Variants in COL6A5 observed in about 807,000 individuals in gnomAD.
The protein encoded by COL6A5 is collagen alpha-5(VI) chain.
In COL6A5, 48 loss-of-function variants were observed where a neutral mutation model predicts 65.6. The observed-to-expected ratio is 0.73, with a 90% CI of 0.58 to 0.93. The LOEUF is 0.93. COL6A5 is among the 40% of genes least tolerant of loss of function. The probability of loss-of-function intolerance (pLI) is 0.00; values close to 1 mark genes in which losing one functional copy is unlikely to be tolerated. For missense variants in COL6A5, 914 were observed against 928.3 expected (o/e 0.98, Z 0.20); for synonymous variants, 291 against 322.8 (o/e 0.90, Z 1.05).
At chr3:130,356,950 C>T (rs1315360020) in intron 1 of COL6A5, among the ~76,000 whole-genome samples, 3 of 152,032 alleles carry the variant, frequency 2.0e-5, no homozygotes, top group Non-Finnish European at 4.4e-5. Flanking sequence ...TAAAGCAAAA[C>T]AAACCTATGT....
intron 27 of COL6A5, 115 bp from the exon 28 acceptor site, chr3:130,422,605 T>C: frequency 1.5e-6 from 1 of 654,670 alleles, no homozygotes; most frequent in Non-Finnish European, 2.7e-6. Context: ...TGTATTGGCC[T>C]TCATTAATGT....
chr3:130,395,125 C>T (rs980202104), exon 8 of COL6A5: 1 of 1,551,636 alleles, frequency 6.4e-7, no homozygotes, highest in South Asian at 1.2e-5. Flanking sequence ...AGAATGTCTC[C>T]AAGAGCGGTG....
At chr3:130,379,028 G>A (rs915527557) in intron 3 of COL6A5, among the ~76,000 whole-genome samples, 5 of 152,054 alleles carry the variant, frequency 3.3e-5, no homozygotes, top group African/African-American at 9.7e-5. Context: ...GATGGTGGAC[G>A]TGGTGGTTCC....
At chr3:130,429,510 T>C, upstream of COL6A5, 1 of 1,444,116 alleles carries the variant, frequency 6.9e-7, no homozygotes, top group African/African-American at 1.4e-5. Context: ...AATGTTGTTT[T>C]TTGAACTATT....
At chr3:130,455,627 A>C in exon 5 of COL6A5, 1 of 1,613,190 alleles carries the variant, frequency 6.2e-7, no homozygotes, top group Non-Finnish European at 8.5e-7. Flanking sequence ...CAATTATGAA[A>C]AAGATCAAAA....
intron 10 of COL6A5, among the ~76,000 whole-genome samples, chr3:130,399,750 T>G (rs1936751789): frequency 6.6e-6 from 1 of 150,656 alleles, no homozygotes; most frequent in South Asian, 2.1e-4. Flanking sequence ...TAATGAGATA[T>G]ATATATATAT....
rs150163583 is a variant in COL6A5, at chr3:130,469,229, G to A, written c.1981G>A (p.Val661Ile). The A allele has an allele frequency of 4.1e-5, 66 of 1,613,274 alleles. No homozygotes were observed. In the Admixed American group the frequency reaches 4.5e-4, roughly 11 times the overall value. Residue 661 changes from valine (V) to isoleucine (I), a missense_variant, in exon 6 of 8, where the codon GTT becomes ATT. Transcript: ENST00000512836. ...AACCCCCAATCTGAGGAAAAACAAA[G>A]TTATCTTTGTAATATCTGCTGGCGA...
At chr3:130,460,403 G>A (rs116621887) in intron 5 of COL6A5, among the ~76,000 whole-genome samples, 2,739 of 152,124 alleles carry the variant, frequency 0.018, 75 homozygotes, top group African/African-American at 0.063. Flanking sequence ...CTTCTGTGAA[G>A]GTTTCACATG....
rs188817479 is a variant in COL6A5, at chr3:130,440,564, C to T, written c.982C>T (p.Leu328=). 8 of 1,613,516 alleles carry T rather than the reference C, an allele frequency of 5.0e-6. No individual in the cohort carries two copies. The Admixed American group carries it at 5.0e-5, about 10-fold the overall frequency. Residue 328 remains leucine, a synonymous_variant, in exon 3 of 8, where the codon CTA becomes TTA. Coordinates refer to ENST00000512836, the Ensembl canonical transcript of COL6A5. The stretch of plus-strand genomic sequence containing the variant: ...AAATCTTTTTCCAGAAACACCCTAT[C>T]TAAGAAAACACAAGGTCATCTTTGT...
At chr3:130,424,967 T>G (rs1320106778) in intron 29 of COL6A5, among the ~76,000 whole-genome samples, 1 of 152,098 alleles carries the variant, frequency 6.6e-6, no homozygotes, top group Non-Finnish European at 1.5e-5. Flanking sequence ...CTTAAGAACT[T>G]GTTCAAAGTT....
exon 8 of COL6A5, chr3:130,484,680 G>A (rs1710329194): frequency 2.7e-6 from 1 of 366,998 alleles, no homozygotes; most frequent in African/African-American, 2.5e-5. Flanking sequence ...CATATTTTTT[G>A]CTGTAATCTT....
chr3:130,416,862 T>C, intron 24 of COL6A5, 43 bp downstream of exon 24: 1 of 978,236 alleles, frequency 1.0e-6, no homozygotes, highest in Non-Finnish European at 1.5e-6. Context: ...AAAACATATT[T>C]TATATTTAAT....
At position 130,449,269 on chromosome 3, in the gene COL6A5, G is replaced by C. The variant is rs138268086; in HGVS notation, c.1332+5703G>C. 5.9e-5 allele frequency among the ~76,000 whole-genome samples: 9 copies of C among 152,250 alleles called. No individual in the cohort carries two copies. In the East Asian group the frequency reaches 1.7e-3, roughly 29 times the overall value. ...CCCTGTTTTCTTTTATAGTAACTGG[G>C]AGGGGTTTAGTAATCCCTTCATGCT... On this transcript the variant is annotated intron_variant, in intron 4 of 7. Coordinates refer to ENST00000512836, the Ensembl canonical transcript of COL6A5.
chr3:130,373,643 A>G (rs1166569049), exon 2 of COL6A5: 9 of 1,529,176 alleles, frequency 5.9e-6, no homozygotes, highest in Non-Finnish European at 8.0e-6. Context: ...AACAAAATGA[A>G]GATCTTGCTA....
At chr3:130,429,112 G>A (rs1937686700), upstream of COL6A5, among the ~76,000 whole-genome samples, 2 of 152,174 alleles carry the variant, frequency 1.3e-5, no homozygotes, top group South Asian at 2.1e-4. Context: ...AATTCACTTG[G>A]AAATCCCCCT....
intron 20 of COL6A5, among the ~76,000 whole-genome samples, chr3:130,412,807 G>C (rs899070090): frequency 2.0e-5 from 3 of 152,144 alleles, no homozygotes; most frequent in African/African-American, 7.2e-5. Flanking sequence ...TGATCTGATA[G>C]TTTATTCTAA....
chr3:130,346,345 C>T (rs2107607113), intron 1 of COL6A5, among the ~76,000 whole-genome samples: 1 of 152,216 alleles, frequency 6.6e-6, no homozygotes, highest in African/African-American at 2.4e-5. Context: ...TCTGATGCAG[C>T]TAAAGTTTGA....
Position 130,426,220 on chromosome 3 carries a change from A to G in COL6A5, c.5170A>G (p.Lys1724Glu), listed in dbSNP as rs769490560. 13 of 1,551,136 alleles carry G rather than the reference A, an allele frequency of 8.4e-6. No individual in the cohort carries two copies. The South Asian group carries it at 1.5e-4, about 18-fold the overall frequency. ...CTGTTTTTGTTTTTCCTAGGGCATT[A>G]AAGGCATGGCAGGGCAGCCTGTATA... Residue 1724 changes from lysine to glutamate, a missense_variant and NMD_transcript_variant, in exon 30 of 42, where the codon AAA becomes GAA. Lys to Glu is a moderately conservative substitution (Grantham distance 56). Coordinates refer to the COL6A5 transcript ENST00000312481.
intron 7 of COL6A5, among the ~76,000 whole-genome samples, chr3:130,473,437 T>C (rs1710010449): frequency 6.6e-6 from 1 of 152,024 alleles, no homozygotes; most frequent in East Asian, 1.9e-4. Flanking sequence ...AAATCCTGCT[T>C]TTTTCCCCCT....
Sources: allele counts gnomAD v4.1 joint callset (sites outside exome capture counted in the v4.1 genomes callset), GRCh38; gene constraint gnomAD v4.1.1; transcripts MANE v1.5; gene names NCBI Gene and HGNC (gene_info 2026-07-23, HGNC 2026-07-21).